The following SLC26A7 variants were observed in gnomAD, a reference collection of about 807,000 sequenced individuals.
SLC26A7 encodes the protein anion exchange transporter.
A neutral mutation model predicts 82.5 loss-of-function variants in SLC26A7; 59 were observed. The observed-to-expected ratio is 0.72, with a 90% CI of 0.58 to 0.89. The LOEUF is 0.89. Ranked by LOEUF, SLC26A7 falls within the 40% of genes least tolerant of loss-of-function variation. The pLI is 0.00. For missense variants in SLC26A7, 820 were observed against 793.0 expected, an observed-to-expected ratio of 1.03 and a Z score of -0.41; for synonymous variants, 271 against 274.3, an observed-to-expected ratio of 0.99 and a Z score of 0.12.
chr8:91,213,541 C>T (rs536241599), intron 1 of SLC26A7, among the ~76,000 whole-genome samples: 6 of 152,162 alleles, frequency 3.9e-5, no homozygotes, highest in African/African-American at 4.8e-5. Flanking sequence ...AAGTACAATG[C>T]GAATAAGTAG....
At chr8:91,272,206 T>A (rs1811291600) in intron 2 of SLC26A7, among the ~76,000 whole-genome samples, 2 of 152,198 alleles carry the variant, frequency 1.3e-5, no homozygotes, top group South Asian at 4.1e-4. Flanking sequence ...CCTTTGCTTC[T>A]CTCCTCATAT....
chr8:91,317,727 T>G (rs540225730), intron 4 of SLC26A7, among the ~76,000 whole-genome samples: 3 of 152,116 alleles, frequency 2.0e-5, no homozygotes, highest in Non-Finnish European at 2.9e-5. Context: ...TTTTCCTTTT[T>G]AAAATTTTAA....
At chr8:91,368,503 C>A (rs766106705) in intron 14 of SLC26A7, among the ~76,000 whole-genome samples, 2 of 151,626 alleles carry the variant, frequency 1.3e-5, no homozygotes, top group Middle Eastern at 3.4e-3. Context: ...ACTGCAAGCT[C>A]CACCTCCAGG....
At chr8:91,261,705 G>C (rs1371613155) in intron 2 of SLC26A7, among the ~76,000 whole-genome samples, 1 of 152,052 alleles carries the variant, frequency 6.6e-6, no homozygotes, top group Non-Finnish European at 1.5e-5. Context: ...AGGATCTCAA[G>C]GGAACTGTAC....
chr8:91,225,939 G>A (rs1810232876), intron 2 of SLC26A7, among the ~76,000 whole-genome samples: 1 of 152,054 alleles, frequency 6.6e-6, no homozygotes, highest in Admixed American at 6.5e-5. Context: ...TCCATGGAAG[G>A]TTGGGCTTAA....
intron 2 of SLC26A7, among the ~76,000 whole-genome samples, chr8:91,287,092 A>G (rs1015868409): frequency 6.6e-6 from 1 of 152,214 alleles, no homozygotes; most frequent in African/African-American, 2.4e-5. Context: ...TAAAATTTCA[A>G]TATCAGTGTA....
At chr8:91,384,746 A>G (rs978350913) in intron 15 of SLC26A7, among the ~76,000 whole-genome samples, 2 of 150,610 alleles carry the variant, frequency 1.3e-5, no homozygotes, top group African/African-American at 2.5e-5. Context: ...CAATACATCT[A>G]TATTAGCTGA....
intron 9 of SLC26A7, among the ~76,000 whole-genome samples, chr8:91,346,235 G>T (rs959170201): frequency 3.3e-5 from 5 of 152,200 alleles, no homozygotes; most frequent in South Asian, 2.1e-4. Flanking sequence ...CACAGGGAAA[G>T]AATCTAATTT....
At chr8:91,340,591 C>G (rs1262176524) in intron 8 of SLC26A7, 40 bp downstream of exon 8, 1 of 1,610,700 alleles carries the variant, frequency 6.2e-7, no homozygotes, top group Admixed American at 1.7e-5. Context: ...CCAGTTGTAT[C>G]ATTGCACTGT....
intron 2 of SLC26A7, among the ~76,000 whole-genome samples, chr8:91,274,695 A>G (rs143297030): frequency 6.6e-6 from 1 of 152,334 alleles, no homozygotes; most frequent in African/African-American, 2.4e-5. Flanking sequence ...CATTCAAACC[A>G]TAGCAGAGTT....
At chr8:91,251,431 C>T (rs1810653683) in intron 2 of SLC26A7, among the ~76,000 whole-genome samples, 1 of 151,976 alleles carries the variant, frequency 6.6e-6, no homozygotes, top group Admixed American at 6.6e-5. Flanking sequence ...TGGAAGGCTA[C>T]CAGTGAATGG....
intron 15 of SLC26A7, among the ~76,000 whole-genome samples, chr8:91,378,156 T>C (rs1814568175): frequency 6.6e-6 from 1 of 151,720 alleles, no homozygotes; most frequent in South Asian, 2.1e-4. Context: ...TAATAGATGG[T>C]CAATTAATGA....
chr8:91,335,476 T>C (rs1304200537), intron 6 of SLC26A7, among the ~76,000 whole-genome samples: 4 of 152,178 alleles, frequency 2.6e-5, no homozygotes, highest in Admixed American at 1.3e-4. Flanking sequence ...GCAACAACTG[T>C]GAAACATACC....
At position 91,304,925 on chromosome 8, in the gene SLC26A7, C is replaced by T. The variant is rs577705102; in HGVS notation, c.477+9222C>T. On this transcript the variant is annotated intron_variant, in intron 4 of 18. Coordinates refer to ENST00000276609, the MANE Select transcript of SLC26A7 (RefSeq NM_052832.4). ...TGACTCCTCTGTGTCTTTCAAGGTT[C>T]AGCTCAAACATAATCATCTCAGAGA... is the stretch of plus-strand genomic sequence containing the variant. Among the ~76,000 whole-genome samples the T allele has an allele frequency of 4.6e-5, 7 of 152,290 alleles. No individual in the cohort carries two copies. The South Asian group carries it at 1.4e-3, about 32-fold the overall frequency.
At chr8:91,394,637 C>T (rs1288017486) in intron 18 of SLC26A7, 4 of 1,137,364 alleles carry the variant, frequency 3.5e-6, no homozygotes, top group African/African-American at 3.2e-5. Flanking sequence ...CTCGCAGAGT[C>T]ATCCCTATTG....
intron 2 of SLC26A7, among the ~76,000 whole-genome samples, chr8:91,223,966 T>G (rs559631561): frequency 1.3e-5 from 2 of 152,002 alleles, no homozygotes; most frequent in South Asian, 4.2e-4. Context: ...CTTGGTTGAT[T>G]TGGCTGTTGA....
chr8:91,297,237 A>T (rs915208077), intron 4 of SLC26A7, among the ~76,000 whole-genome samples: 4 of 152,082 alleles, frequency 2.6e-5, no homozygotes, highest in African/African-American at 4.8e-5. Context: ...GTATAGTAAA[A>T]ATCTAAGAGT....
At chr8:91,213,167 G>A (rs1039086599) in intron 1 of SLC26A7, among the ~76,000 whole-genome samples, 5 of 152,256 alleles carry the variant, frequency 3.3e-5, no homozygotes, top group Middle Eastern at 3.4e-3. Flanking sequence ...GGGAGAGCAG[G>A]ACCACTGTGT....
chr8:91,275,225 A>C (rs1188852705), intron 2 of SLC26A7, among the ~76,000 whole-genome samples: 1 of 152,242 alleles, frequency 6.6e-6, no homozygotes, highest in Admixed American at 6.5e-5. Context: ...ATTGTAATAT[A>C]TAACAACATA....
Sources: allele counts gnomAD v4.1 joint callset (sites outside exome capture counted in the v4.1 genomes callset), GRCh38; gene constraint gnomAD v4.1.1; transcripts MANE v1.5; gene names NCBI Gene and HGNC (gene_info 2026-07-23, HGNC 2026-07-21).